Variants in FAAP20 observed in about 807,000 individuals in gnomAD.
The protein encoded by FAAP20 is Fanconi anemia core complex-associated protein 20.
A neutral mutation model predicts 16.2 loss-of-function variants in FAAP20; 12 were observed. The ratio of observed to expected loss-of-function variants is 0.74; its 90% CI spans 0.48 to 1.20. The LOEUF (loss-of-function observed/expected upper bound fraction) is 1.20. Among genes scored for constraint, FAAP20 ranks in the 50% most tolerant of loss-of-function variants. FAAP20 has a pLI of 0.00. For synonymous variants in FAAP20, 141 were observed against 110.7 expected, an observed-to-expected ratio of 1.27 and a Z score of -1.72; for missense variants, 288 against 245.8, an observed-to-expected ratio of 1.17 and a Z score of -1.15.
downstream of FAAP20, chr1:2,184,853 G>A (rs548440022): frequency 1.2e-5 from 17 of 1,460,922 alleles, no homozygotes; most frequent in African/African-American, 8.4e-5. Context: ...TTATGCGAAC[G>A]TGACTCCGCT....
chr1:2,188,644 G>A (rs948856871), downstream of FAAP20, among the ~76,000 whole-genome samples: 5 of 152,212 alleles, frequency 3.3e-5, no homozygotes, highest in African/African-American at 1.2e-4. Context: ...CAGGCCCGCA[G>A]CACACGGTGG....
chr1:2,194,856 T>G (rs1303746062), upstream of FAAP20: 1 of 841,904 alleles, frequency 1.2e-6, no homozygotes, highest in African/African-American at 3.2e-5. Flanking sequence ...GCCGCCCCCC[T>G]CCGAGACAGT....
At chr1:2,188,922 G>C (rs1382267684), downstream of FAAP20, among the ~76,000 whole-genome samples, 2 of 149,994 alleles carry the variant, frequency 1.3e-5, no homozygotes, top group East Asian at 4.1e-4. Context: ...GGAGAATGGC[G>C]TGAACCCGGG....
Position 2,189,621 on chromosome 1 carries a change from CTGCTGGCGGGGG to C in FAAP20, c.*76_*87del. 1 of 995,502 alleles carries C rather than the reference CTGCTGGCGGGGG, an allele frequency of 1.0e-6. No homozygotes were observed. The highest frequency in any genetic ancestry group is 2.0e-5 in the Admixed American group (1 of 49,864). 61.7% of individuals were successfully genotyped at this position (995,502 alleles called of 1,614,324 possible). On this transcript the variant is annotated 3_prime_UTR_variant, in exon 4 of 4. Transcript: ENST00000378546. The stretch of plus-strand genomic sequence containing the variant: ...CATGCGGGGGAGCCGAGAGGCGGGG[CTGCTGGCGGGGG>C]AGCCGAGAGGCGGGGCTGCTGGCGG...
upstream of FAAP20, among the ~76,000 whole-genome samples, chr1:2,204,145 A>G (rs1196473470): frequency 1.3e-5 from 2 of 152,214 alleles, no homozygotes; most frequent in Non-Finnish European, 2.9e-5. Context: ...ACAGACCCTC[A>G]CAGACGGCCT....
intron 3 of FAAP20, chr1:2,190,781 T>C (rs111870233): frequency 2.4e-4 from 65 of 268,660 alleles, no homozygotes; most frequent in Non-Finnish European, 4.4e-4. Flanking sequence ...AGCGGCCAAG[T>C]CCACAGGACA....
intron 3 of FAAP20, chr1:2,190,098 C>G (rs944370298): frequency 2.3e-5 from 13 of 554,228 alleles, no homozygotes; most frequent in Middle Eastern, 2.7e-4. Context: ...CATCGTGGAG[C>G]CCGGCAGACA....
chr1:2,212,431 G>C (rs754488632), exon 2 of FAAP20: 89 of 153,944 alleles, frequency 5.8e-4, no homozygotes, highest in Non-Finnish European at 1.1e-3. Context: ...CAGGAGAGGC[G>C]CAGCCGTGGC....
chr1:2,205,549 G>A (rs932329155), intron 3 of FAAP20, among the ~76,000 whole-genome samples: 106 of 152,186 alleles, frequency 7.0e-4, no homozygotes, highest in Non-Finnish European at 1.3e-3. Context: ...GGAAGCGCGC[G>A]GGGGGTTCTG....
chr1:2,186,993 GA>G (rs1687672812), downstream of FAAP20: 1 of 302,376 alleles, frequency 3.3e-6, no homozygotes, highest in Non-Finnish European at 7.0e-6. Flanking sequence ...AGTGTGGTTT[GA>G]AAAATCCTGA....
chr1:2,188,859 G>T (rs1012303938), downstream of FAAP20, among the ~76,000 whole-genome samples: 2 of 152,036 alleles, frequency 1.3e-5, no homozygotes. Context: ...CAAAAAATTA[G>T]CCGGGCGTGG....
At chr1:2,192,316 T>C in intron 3 of FAAP20, 1 of 986,784 alleles carries the variant, frequency 1.0e-6, no homozygotes, top group Non-Finnish European at 1.2e-6. Flanking sequence ...TACGATCAAG[T>C]GTTCGAATGT....
chr1:2,198,357 CTG>C, upstream of FAAP20: 2 of 403,646 alleles, frequency 5.0e-6, no homozygotes, highest in South Asian at 4.3e-5. Context: ...CCCTTACCCT[CTG>C]TGGCAAAAAA....
chr1:2,198,591 G>A, upstream of FAAP20: 1 of 1,026,568 alleles, frequency 9.7e-7, no homozygotes, highest in Non-Finnish European at 1.3e-6. Flanking sequence ...CCTGAGGCTG[G>A]CAGGCCTAAG....
At chr1:2,203,217 C>T (rs971322210), upstream of FAAP20, among the ~76,000 whole-genome samples, 2 of 152,222 alleles carry the variant, frequency 1.3e-5, no homozygotes, top group East Asian at 1.9e-4. Context: ...ACAGGCCCTT[C>T]GCCTGCAGCC....
At position 2,194,684 on chromosome 1, in the gene FAAP20, T is replaced by G. The variant is rs1265418502; in HGVS notation, c.62+4A>C. 9.0e-7 allele frequency: 1 copy of G among 1,109,706 alleles called. No homozygotes were observed. The highest frequency in any genetic ancestry group is 1.1e-6 in the Non-Finnish European group (1 of 908,848). 68.7% of individuals were successfully genotyped at this position (1,109,706 alleles called of 1,614,324 possible). A position where few individuals can be genotyped will look rare whatever the true frequency, so the allele number is the denominator to read the frequency against. ...CCGCGCCCCCGCCCGGCTCCCGGCC[T>G]CACCCGCCCGCCGGGCGCGGCCTCC... is the stretch of plus-strand genomic sequence containing the variant. On this transcript the variant is annotated splice_donor_region_variant and intron_variant, in intron 1 of 3. Transcript: ENST00000378546.
downstream of FAAP20, chr1:2,187,192 C>T: frequency 2.1e-6 from 1 of 471,306 alleles, no homozygotes; most frequent in South Asian, 1.6e-5. Context: ...CAAAGTCTTG[C>T]ACATCCATGA....
In FAAP20 at chr1:2,193,748, G is replaced by C. The variant is rs762789045; in HGVS notation, c.361C>G (p.Arg121Gly). 7.5e-6 allele frequency: 12 copies of C among 1,591,778 alleles called. No homozygotes were observed. The highest frequency in any genetic ancestry group is 9.4e-6 in the Non-Finnish European group (11 of 1,172,856). ...GCCCTGCAGGGATCAGGTGCCGGGC[G>C]CTGGGGCAGGGACCTGGCGGGGGAT... is the stretch of plus-strand genomic sequence containing the variant. ...LESPARSLPQRPAPDPCRAPR... is the reference protein window; with the variant it reads ...LESPARSLPQGPAPDPCRAPR... The change falls in exon 3 of 4, where the codon CGC (arginine) becomes GGC (glycine). Residue 121 changes from arginine to glycine, a missense_variant. Coordinates refer to ENST00000378546, the MANE Select transcript of FAAP20 (RefSeq NM_182533.4).
At chr1:2,198,256 C>G (rs1205528588), upstream of FAAP20, 15 of 1,082,282 alleles carry the variant, frequency 1.4e-5, no homozygotes, top group Non-Finnish European at 1.7e-5. Flanking sequence ...GAGTTTGCAT[C>G]CCAGGCAGAG....
Sources: gnomAD v4.1 joint callset for allele counts (sites outside exome capture counted in the v4.1 genomes callset) on GRCh38, gnomAD v4.1.1 for gene constraint, MANE v1.5 for transcripts, NCBI Gene and HGNC (gene_info 2026-07-23, HGNC 2026-07-21) for gene names.